Variants in PCDH15 observed in about 807,000 individuals in gnomAD.
The protein encoded by PCDH15 is protocadherin related 15.
Under a neutral mutation model 178.5 loss-of-function variants are expected in PCDH15, and 129 were observed. The ratio of observed to expected loss-of-function variants is 0.72; its 90% CI spans 0.63 to 0.84. The LOEUF (loss-of-function observed/expected upper bound fraction) is 0.84, where lower values mean the gene tolerates loss of function less well. PCDH15 is among the 40% of genes least tolerant of loss of function. The probability of loss-of-function intolerance (pLI) is 0.00; values close to 1 mark genes in which losing one functional copy is unlikely to be tolerated. For synonymous variants in PCDH15, 800 were observed against 732.0 expected (o/e 1.09, Z -1.50); for missense variants, 2,230 against 2,099.9 (o/e 1.06, Z -1.21).
chr10:55,524,607 G>A (rs902714877), intron 2 of PCDH15, among the ~76,000 whole-genome samples: 1 of 151,192 alleles, frequency 6.6e-6, no homozygotes, highest in African/African-American at 2.4e-5. Flanking sequence ...GATTTCTCTT[G>A]GTGGGTAATT....
intron 2 of PCDH15, among the ~76,000 whole-genome samples, chr10:55,624,463 AG>A (rs1487207208): frequency 6.6e-6 from 1 of 150,766 alleles, no homozygotes; most frequent in Non-Finnish European, 1.5e-5. Context: ...ATATAGCATA[AG>A]ACAACTGGGA....
intron 2 of PCDH15, among the ~76,000 whole-genome samples, chr10:54,630,058 T>C (rs545186604): frequency 6.6e-6 from 1 of 152,044 alleles, no homozygotes; most frequent in Non-Finnish European, 1.5e-5. Flanking sequence ...AGAAGGAGAA[T>C]TACAAAATAC....
chr10:54,770,604 T>A (rs1948983887), intron 1 of PCDH15, among the ~76,000 whole-genome samples: 1 of 152,078 alleles, frequency 6.6e-6, no homozygotes, highest in African/African-American at 2.4e-5. Context: ...ATCCTTTTAC[T>A]AAGAGTACTC....
chr10:54,514,052 T>C (rs1010078213), intron 3 of PCDH15, among the ~76,000 whole-genome samples: 4 of 152,236 alleles, frequency 2.6e-5, no homozygotes, highest in African/African-American at 7.2e-5. Flanking sequence ...TAGGGAATTC[T>C]TCTTGTTTTC....
At chr10:54,854,207 G>A (rs1278400480) in intron 3 of PCDH15, among the ~76,000 whole-genome samples, 3 of 152,142 alleles carry the variant, frequency 2.0e-5, no homozygotes, top group African/African-American at 7.2e-5. Context: ...CTGGCACCAG[G>A]GAACATGGTT....
chr10:55,156,783 A>G (rs2680318), intron 2 of PCDH15, among the ~76,000 whole-genome samples: 31,892 of 152,022 alleles, frequency 0.21, 4,135 homozygotes, highest in Non-Finnish European at 0.27. Context: ...ACAATCATCT[A>G]TTGGTTCAGA....
chr10:55,283,977 G>A (rs1440232344), intron 1 of PCDH15, among the ~76,000 whole-genome samples: 2 of 147,768 alleles, frequency 1.4e-5, no homozygotes, highest in Non-Finnish European at 2.9e-5. Flanking sequence ...TACAATACAT[G>A]GCTTTGTATA....
rs184553425 is a variant in PCDH15, at chr10:55,616,931, A to T, written c.-156+10694T>A. On this transcript the variant is annotated intron_variant, in intron 2 of 5. Transcript: ENST00000613346. Reference sequence around the variant, plus strand: ...TATACATTAAGTACATTATTATGTTACATGTATTATAATGTAACACATTAT... The same window carrying T: ...TATACATTAAGTACATTATTATGTTTCATGTATTATAATGTAACACATTAT... 3.2e-3 allele frequency among the ~76,000 whole-genome samples: 491 copies of T among 152,212 alleles called. 3 individuals are homozygous for T. The highest frequency in any genetic ancestry group is 0.012 in the African/African-American group (478 of 41,548).
chr10:54,462,518 T>TTTC lies in PCDH15; in HGVS notation c.157+65293_157+65294insGAA, dbSNP rs1565339201. ...TTCTTTTTCTTTTTCTTTTCTTTTTTTTTTTTTTTTTTTTGAGATGGAGTC... is the reference window on the plus strand; with the variant it reads ...TTCTTTTTCTTTTTCTTTTCTTTTTTTTCTTTTTTTTTTTTTTGAGATGGAGTC... On this transcript the variant is annotated intron_variant, in intron 3 of 37. Coordinates refer to ENST00000644397, the MANE Select transcript of PCDH15 (RefSeq NM_001384140.1). Among the ~76,000 whole-genome samples, 32 of 114,766 alleles carry TTTC rather than the reference T, an allele frequency of 2.8e-4. 1 individual carries two copies. The highest frequency in any genetic ancestry group is 1.3e-3 in the African/African-American group (30 of 23,754). 75.3% of individuals were successfully genotyped at this position (114,766 alleles called of 152,430 possible). A position where few individuals can be genotyped will look rare whatever the true frequency, so the allele number is the denominator to read the frequency against.
chr10:53,818,269 T>C (rs2076135878), intron 33 of PCDH15: 1 of 300,372 alleles, frequency 3.3e-6, no homozygotes. Context: ...GCAAAATCTA[T>C]TTTATTTCAA....
In PCDH15 at chr10:54,849,841, C is replaced by G. The variant is rs368045758; in HGVS notation, c.-29+47609G>C. Among the ~76,000 whole-genome samples, 26 of 152,114 alleles carry G rather than the reference C, an allele frequency of 1.7e-4. 1 individual carries two copies. The highest frequency in any genetic ancestry group is 1.6e-3 in the Admixed American group (25 of 15,274). Reference sequence around the variant, plus strand: ...ATATCTTTGAATCTTTAATATTTATCAAATATTTACAATGTGGTTGAACCG... The same window carrying G: ...ATATCTTTGAATCTTTAATATTTATGAAATATTTACAATGTGGTTGAACCG... On this transcript the variant is annotated intron_variant, in intron 3 of 5. Transcript: ENST00000458638.
intron 2 of PCDH15, among the ~76,000 whole-genome samples, chr10:55,380,924 G>T (rs1837518691): frequency 6.6e-6 from 1 of 152,132 alleles, no homozygotes. Context: ...AAGATGAGAG[G>T]TTCAAAGCCC....
intron 2 of PCDH15, among the ~76,000 whole-genome samples, chr10:55,016,833 T>C (rs1840192956): frequency 1.3e-5 from 2 of 152,258 alleles, no homozygotes; most frequent in Admixed American, 6.5e-5. Context: ...TTCTCTTCTG[T>C]CTTGTCTTGA....
intron 3 of PCDH15, among the ~76,000 whole-genome samples, chr10:54,864,487 A>G (rs747976519): frequency 3.9e-5 from 6 of 152,218 alleles, no homozygotes; most frequent in African/African-American, 1.4e-4. Context: ...AGGGAAACTT[A>G]TATCAAGGAT....
rs142728005 is a variant in PCDH15, at chr10:54,995,060, G to A, written c.-79-97560C>T. 8.6e-3 allele frequency among the ~76,000 whole-genome samples: 1,302 copies of A among 152,140 alleles called. 71 individuals are homozygous for A. Among genetic ancestry groups the A allele is most frequent in the Non-Finnish European group, 2.3e-3 (155 of 67,994 alleles). On this transcript the variant is annotated intron_variant, in intron 2 of 5. Transcript: ENST00000458638. The stretch of plus-strand genomic sequence containing the variant: ...AGTTATCGTAGGTTTTATGATTATT[G>A]TATATTCTGGGGAAGAGGTTTAGAA...
At chr10:54,122,002 T>TAC (rs57135050) in intron 15 of PCDH15, among the ~76,000 whole-genome samples, 12,312 of 146,230 alleles carry the variant, frequency 0.084, 563 homozygotes, top group African/African-American at 0.11. Context: ...CAAAGACACA[T>TAC]ACACACACAC....
chr10:55,166,345 T>C (rs1839197505), intron 2 of PCDH15, among the ~76,000 whole-genome samples: 1 of 152,166 alleles, frequency 6.6e-6, no homozygotes, highest in Non-Finnish European at 1.5e-5. Context: ...AAACAACAGG[T>C]ATTTCACTTC....
chr10:53,886,321 C>T (rs547253476), intron 26 of PCDH15, among the ~76,000 whole-genome samples: 1 of 152,224 alleles, frequency 6.6e-6, no homozygotes, highest in Non-Finnish European at 1.5e-5. Flanking sequence ...GTTACACAGC[C>T]CACTCATGGT....
chr10:54,939,524 T>A (rs1173581133), intron 2 of PCDH15, among the ~76,000 whole-genome samples: 109 of 66,774 alleles, frequency 1.6e-3, no homozygotes, highest in Middle Eastern at 0.011. Context: ...AAAAAAAAAA[T>A]CAGTGATGTA....
Sources: allele counts gnomAD v4.1 joint callset (sites outside exome capture counted in the v4.1 genomes callset), GRCh38; gene constraint gnomAD v4.1.1; transcripts MANE v1.5; gene names NCBI Gene and HGNC (gene_info 2026-07-23, HGNC 2026-07-21).